Variants in GMDS observed in about 807,000 individuals in gnomAD.
GMDS encodes GDP-mannose 4,6 dehydratase.
GMDS carries 20 observed loss-of-function variants against 49.9 expected under a neutral mutation model. The ratio of observed to expected loss-of-function variants is 0.40; its 90% CI spans 0.28 to 0.58. The LOEUF (loss-of-function observed/expected upper bound fraction) is 0.58, where lower values mean the gene tolerates loss of function less well. Ranked by LOEUF, GMDS falls within the 20% of genes least tolerant of loss-of-function variation. The probability of loss-of-function intolerance (pLI) is 0.42; values close to 1 mark genes in which losing one functional copy is unlikely to be tolerated. For missense variants in GMDS, 362 were observed against 481.4 expected (o/e 0.75, Z 2.32); for synonymous variants, 177 against 178.6 (o/e 0.99, Z 0.07).
chr6:1,650,261 C>T (rs1425748623), intron 9 of GMDS, among the ~76,000 whole-genome samples: 1 of 152,094 alleles, frequency 6.6e-6, no homozygotes, highest in East Asian at 1.9e-4. Flanking sequence ...GGATCATCTC[C>T]TGCCCATGGC....
chr6:1,645,886 T>C (rs916773506), intron 9 of GMDS, among the ~76,000 whole-genome samples: 1 of 152,218 alleles, frequency 6.6e-6, no homozygotes, highest in Non-Finnish European at 1.5e-5. Context: ...TAACAATCTG[T>C]GGTTATTTTG....
chr6:2,166,931 C>G (rs2127550870), intron 1 of GMDS, among the ~76,000 whole-genome samples: 1 of 152,348 alleles, frequency 6.6e-6, no homozygotes, highest in South Asian at 2.1e-4. Flanking sequence ...TCCCAGGCAG[C>G]TGAAATAGGC....
chr6:2,233,607 G>A (rs1348801928), intron 1 of GMDS, among the ~76,000 whole-genome samples: 1 of 152,202 alleles, frequency 6.6e-6, no homozygotes, highest in African/African-American at 2.4e-5. Context: ...ATCACTTGAG[G>A]TCAGGAGTTC....
chr6:1,646,540 G>A (rs996481008), intron 9 of GMDS, among the ~76,000 whole-genome samples: 2 of 152,070 alleles, frequency 1.3e-5, no homozygotes, highest in Non-Finnish European at 2.9e-5. Context: ...GCCACGGCAC[G>A]TAGCTAAATT....
intron 1 of GMDS, among the ~76,000 whole-genome samples, chr6:2,213,260 T>G (rs966516864): frequency 6.6e-6 from 1 of 152,184 alleles, no homozygotes; most frequent in Non-Finnish European, 1.5e-5. Context: ...CCTTGATTTA[T>G]GGTAGTTGGT....
chr6:1,855,569 C>T (rs1372822575), intron 7 of GMDS, among the ~76,000 whole-genome samples: 1 of 152,092 alleles, frequency 6.6e-6, no homozygotes, highest in African/African-American at 2.4e-5. Context: ...GTTATGTAAA[C>T]AGCTGTCACC....
At chr6:2,052,131 G>GAAAAAAAAAAAAAAAAAAAA (rs576035823) in intron 4 of GMDS, among the ~76,000 whole-genome samples, 1 of 99,650 alleles carries the variant, frequency 1.0e-5, no homozygotes, top group Non-Finnish European at 2.1e-5. Context: ...AAAAAAAAAA[G>GAAAAAAAAAAAAAAAAAAAA]AAAAAAAAAA....
At chr6:2,207,355 A>G (rs1779851319) in intron 1 of GMDS, among the ~76,000 whole-genome samples, 2 of 151,970 alleles carry the variant, frequency 1.3e-5, no homozygotes. Context: ...TCCACAAAGC[A>G]CTGTCACTTA....
At chr6:2,210,092 A>G (rs769181597) in intron 1 of GMDS, among the ~76,000 whole-genome samples, 2 of 152,226 alleles carry the variant, frequency 1.3e-5, no homozygotes, top group African/African-American at 2.4e-5. Flanking sequence ...AAAGTAACCA[A>G]TTTAGCTCCT....
At chr6:2,229,937 C>T (rs1781000801) in intron 1 of GMDS, among the ~76,000 whole-genome samples, 1 of 152,204 alleles carries the variant, frequency 6.6e-6, no homozygotes, top group Non-Finnish European at 1.5e-5. Flanking sequence ...GAAGCAGCTT[C>T]CACCTCCACA....
intron 9 of GMDS, among the ~76,000 whole-genome samples, chr6:1,725,717 C>G (rs1368744151): frequency 1.3e-5 from 2 of 152,236 alleles, no homozygotes; most frequent in Non-Finnish European, 2.9e-5. Flanking sequence ...TAGGCATGAG[C>G]CACTGTGCCT....
intron 1 of GMDS, among the ~76,000 whole-genome samples, chr6:2,146,237 A>G (rs1169248275): frequency 1.3e-5 from 2 of 152,220 alleles, no homozygotes; most frequent in Non-Finnish European, 2.9e-5. Context: ...ACTTTACAAG[A>G]TCAACAGTCA....
chr6:1,624,602 C>G (rs915937354), intron 9 of GMDS, 62 bp from the exon 10 acceptor site: 61 of 1,199,688 alleles, frequency 5.1e-5, no homozygotes, highest in Non-Finnish European at 7.1e-5. Context: ...CAGCAGGTCC[C>G]GAGCCCCGGG....
chr6:2,213,838 C>A (rs941651404), intron 1 of GMDS, among the ~76,000 whole-genome samples: 1 of 152,182 alleles, frequency 6.6e-6, no homozygotes, highest in African/African-American at 2.4e-5. Context: ...AAAAAGTGAA[C>A]AAGGTAATGT....
Position 1,698,224 on chromosome 6 carries a change from C to T in GMDS, c.987+28192G>A, listed in dbSNP as rs540106978. On this transcript the variant is annotated intron_variant, in intron 9 of 10. Coordinates refer to ENST00000380815, the MANE Select transcript of GMDS (RefSeq NM_001500.4). ...TTATCTTGGTGAATGTATACTTTAGCTTTGTGTGTATCTACACATATACAT... is the reference window on the plus strand; with the variant it reads ...TTATCTTGGTGAATGTATACTTTAGTTTTGTGTGTATCTACACATATACAT... Among the ~76,000 whole-genome samples, 123 of 152,094 alleles carry T rather than the reference C, an allele frequency of 8.1e-4. 1 individual carries two copies. The highest frequency in any genetic ancestry group is 1.6e-3 in the Non-Finnish European group (111 of 68,008).
rs746193577 is a variant in GMDS, at chr6:1,624,479, G to T, written c.1049C>A (p.Ala350Asp). The T allele has an allele frequency of 6.2e-7, 1 of 1,613,582 alleles. No homozygotes were observed. Among genetic ancestry groups the T allele is most frequent in the Admixed American group, 1.7e-5 (1 of 60,016 alleles). The change falls in exon 10 of 11, where the codon GCT becomes GAT. Residue 350 changes from alanine (A) to aspartate (D), a missense_variant. Coordinates refer to ENST00000380815, the MANE Select transcript of GMDS (RefSeq NM_001500.4). ...KQKLNWKPRV[A>D]FDELVREMVH... ...GCCCTAAGAGATACTCACATCGAAA[G>T]CGACCCGGGGCTTCCAGTTCAGCTT...
At chr6:2,027,117 A>T (rs1383706761) in intron 4 of GMDS, among the ~76,000 whole-genome samples, 1 of 152,198 alleles carries the variant, frequency 6.6e-6, no homozygotes, top group Non-Finnish European at 1.5e-5. Context: ...TGGCTCCATG[A>T]AGAAGAGGAC....
At chr6:2,125,527 G>A (rs762261337) in intron 1 of GMDS, among the ~76,000 whole-genome samples, 5 of 152,110 alleles carry the variant, frequency 3.3e-5, no homozygotes, top group South Asian at 4.1e-4. Flanking sequence ...CTGGGAGTTC[G>A]AGGCTGGAGT....
chr6:1,658,383 G>T (rs987102792), intron 9 of GMDS, among the ~76,000 whole-genome samples: 7 of 152,256 alleles, frequency 4.6e-5, no homozygotes, highest in African/African-American at 1.7e-4. Context: ...AGGAACATAA[G>T]AGTATCATCC....
Sources: gnomAD v4.1 joint callset for allele counts (sites outside exome capture counted in the v4.1 genomes callset) on GRCh38, gnomAD v4.1.1 for gene constraint, MANE v1.5 for transcripts, NCBI Gene and HGNC (gene_info 2026-07-23, HGNC 2026-07-21) for gene names.